RPS6KA5: variants seen among roughly 807,000 people sequenced by gnomAD.
The protein encoded by RPS6KA5 is ribosomal protein S6 kinase alpha-5.
Under a neutral mutation model 85.5 loss-of-function variants are expected in RPS6KA5, and 27 were observed. The observed-to-expected ratio is 0.32, with a 90% CI of 0.23 to 0.44. The LOEUF (loss-of-function observed/expected upper bound fraction) is 0.44, where lower values mean the gene tolerates loss of function less well. RPS6KA5 is among the 20% of genes least tolerant of loss of function. The pLI is 1.00. For synonymous variants in RPS6KA5, 334 were observed against 348.2 expected (o/e 0.96, Z 0.46); for missense variants, 811 against 980.9 (o/e 0.83, Z 2.31).
chr14:90,943,273 T>TA (rs982303183), intron 4 of RPS6KA5, 88 bp from the exon 5 acceptor site: 25 of 747,596 alleles, frequency 3.3e-5, no homozygotes, highest in African/African-American at 5.5e-5. Flanking sequence ...ATTTATTTAT[T>TA]TTTTTTTTTA....
At chr14:91,013,378 AG>A (rs929256708) in intron 1 of RPS6KA5, among the ~76,000 whole-genome samples, 38 of 152,218 alleles carry the variant, frequency 2.5e-4, no homozygotes, top group African/African-American at 8.2e-4. Context: ...AAGAGAAATG[AG>A]GTAAATAGTA....
At chr14:91,018,940 C>T (rs2041619597) in intron 1 of RPS6KA5, among the ~76,000 whole-genome samples, 1 of 151,796 alleles carries the variant, frequency 6.6e-6, no homozygotes, top group Non-Finnish European at 1.5e-5. Flanking sequence ...TAACATGAAA[C>T]ATAAGATGTA....
At chr14:91,040,292 C>A (rs2139884258) in intron 1 of RPS6KA5, among the ~76,000 whole-genome samples, 1 of 152,258 alleles carries the variant, frequency 6.6e-6, no homozygotes, top group Middle Eastern at 3.4e-3. Flanking sequence ...CCTGTAATCC[C>A]AGCTACTTGG....
Position 90,856,712 on chromosome 14 carries a change from T to C in RPS6KA5, c.*15362A>G, listed in dbSNP as rs2032304748. ...GATAAAATTCATTTTAAGTGTACCA[T>C]TCATTGTTTTTTACTACATTTACAA... is the stretch of plus-strand genomic sequence containing the variant. On this transcript the variant is annotated 3_prime_UTR_variant, in exon 17 of 17. Transcript: ENST00000614987. 6.6e-6 allele frequency: 1 copy of C among 152,250 alleles called. No homozygotes were observed. Among genetic ancestry groups the C allele is most frequent in the African/African-American group, 2.4e-5 (1 of 41,424 alleles). The allele number at this position is 152,250 out of a possible 1,614,324, so 9.4% of individuals were successfully genotyped here.
At chr14:91,049,671 AAC>A (rs1158780385) in intron 1 of RPS6KA5, among the ~76,000 whole-genome samples, 1 of 152,152 alleles carries the variant, frequency 6.6e-6, no homozygotes, top group Non-Finnish European at 1.5e-5. Flanking sequence ...ACAAACACAC[AAC>A]ACACACATAT....
intron 14 of RPS6KA5, among the ~76,000 whole-genome samples, chr14:90,882,357 T>C (rs1048432694): frequency 4.6e-5 from 7 of 152,250 alleles, no homozygotes; most frequent in African/African-American, 2.4e-5. Context: ...ATAATTCTTT[T>C]AAATGCATTC....
At chr14:90,957,527 G>C (rs985627062) in intron 3 of RPS6KA5, among the ~76,000 whole-genome samples, 1 of 152,122 alleles carries the variant, frequency 6.6e-6, no homozygotes, top group African/African-American at 2.4e-5. Context: ...TTCTTTCCCT[G>C]ATCTGTTAGG....
chr14:90,976,469 C>T (rs1292892739), intron 3 of RPS6KA5, among the ~76,000 whole-genome samples: 2 of 152,084 alleles, frequency 1.3e-5, no homozygotes, highest in African/African-American at 4.8e-5. Flanking sequence ...TACCCTTAGG[C>T]CCAGATACAA....
At chr14:91,036,525 T>C (rs2042419021) in intron 1 of RPS6KA5, among the ~76,000 whole-genome samples, 1 of 152,228 alleles carries the variant, frequency 6.6e-6, no homozygotes, top group South Asian at 2.1e-4. Context: ...TGTACTTGTA[T>C]GAGCCTGGGT....
rs564841402 is a variant in RPS6KA5 at position 90,867,297 on chromosome 14, A to G, written c.*4777T>C. On this transcript the variant is annotated 3_prime_UTR_variant, in exon 17 of 17. Coordinates refer to ENST00000614987, the MANE Select transcript of RPS6KA5 (RefSeq NM_004755.4). Reference sequence around the variant, plus strand: ...TTAAGAAAATTTAAAACGTAAATGAAAAAACTGCTTAATGTGGCAAGGAAC... The same window carrying G: ...TTAAGAAAATTTAAAACGTAAATGAGAAAACTGCTTAATGTGGCAAGGAAC... 1.3e-5 allele frequency: 2 copies of G among 152,300 alleles called. No individual in the cohort carries two copies. Among genetic ancestry groups the G allele is most frequent in the East Asian group, 3.9e-4 (2 of 5,188 alleles). The allele number at this position is 152,300 out of a possible 1,614,324, so 9.4% of individuals were successfully genotyped here.
chr14:90,952,777 A>T lies in RPS6KA5; in HGVS notation c.395-5227T>A, dbSNP rs1595315156. Among the ~76,000 whole-genome samples, 7 of 152,384 alleles carry T rather than the reference A, an allele frequency of 4.6e-5. 2 individuals are homozygous for T. The stretch of plus-strand genomic sequence containing the variant: ...ATCATTAATGGGAAATGGTCAAAGG[A>T]CACCTTCTGGGTAGGGAAGATAATT... On this transcript the variant is annotated intron_variant, in intron 3 of 16. Transcript: ENST00000614987.
intron 14 of RPS6KA5, among the ~76,000 whole-genome samples, chr14:90,879,611 T>C (rs2033695797): frequency 6.6e-6 from 1 of 152,172 alleles, no homozygotes; most frequent in African/African-American, 2.4e-5. Flanking sequence ...AGTGATCAGC[T>C]GCACTTGGTG....
intron 5 of RPS6KA5, among the ~76,000 whole-genome samples, chr14:90,937,047 A>G (rs538734465): frequency 2.0e-5 from 3 of 152,174 alleles, no homozygotes; most frequent in Non-Finnish European, 4.4e-5. Flanking sequence ...CATAAAAAAA[A>G]GAAGAGTACC....
intron 14 of RPS6KA5, among the ~76,000 whole-genome samples, chr14:90,889,211 T>C (rs2034409337): frequency 6.7e-6 from 1 of 150,022 alleles, no homozygotes; most frequent in African/African-American, 2.5e-5. Flanking sequence ...GGAGAATCGC[T>C]TGAATCCGGG....
rs1312652614 is a variant in RPS6KA5 at position 91,033,471 on chromosome 14, G to A, written c.103+26861C>T. 3.3e-5 allele frequency among the ~76,000 whole-genome samples: 5 copies of A among 151,862 alleles called. No individual in the cohort carries two copies. In the East Asian group the frequency reaches 9.7e-4, roughly 29 times the overall value. ...CAAAAAATTAGCTGGGTGTGGTGGTGCATGCCTGTAATCCCAGCTACTCGG... is the reference window on the plus strand; with the variant it reads ...CAAAAAATTAGCTGGGTGTGGTGGTACATGCCTGTAATCCCAGCTACTCGG... On this transcript the variant is annotated intron_variant, in intron 1 of 16. Coordinates refer to ENST00000614987, the MANE Select transcript of RPS6KA5 (RefSeq NM_004755.4).
At chr14:90,947,594 A>C (rs2037939975) in intron 3 of RPS6KA5, 44 bp from the exon 4 acceptor site, 1 of 1,127,388 alleles carries the variant, frequency 8.9e-7, no homozygotes, top group African/African-American at 1.5e-5. Context: ...TGCATTCATA[A>C]ATGAAAAGCA....
chr14:90,984,601 A>G (rs1010739583), intron 2 of RPS6KA5, among the ~76,000 whole-genome samples: 3 of 152,224 alleles, frequency 2.0e-5, no homozygotes, highest in Non-Finnish European at 2.9e-5. Context: ...GCTTGACGAT[A>G]AGAAATAATA....
chr14:90,991,179 C>T (rs1300799134), intron 2 of RPS6KA5, among the ~76,000 whole-genome samples: 2 of 151,952 alleles, frequency 1.3e-5, no homozygotes, highest in East Asian at 1.9e-4. Context: ...AAAAACTGCA[C>T]GAAAATGTTG....
chr14:90,923,908 A>G (rs1671033642), intron 5 of RPS6KA5, among the ~76,000 whole-genome samples: 1 of 152,152 alleles, frequency 6.6e-6, no homozygotes, highest in Admixed American at 6.6e-5. Flanking sequence ...TAGATAATCA[A>G]TTATGCAATT....
Sources: allele counts gnomAD v4.1 joint callset (sites outside exome capture counted in the v4.1 genomes callset), GRCh38; gene constraint gnomAD v4.1.1; transcripts MANE v1.5; gene names NCBI Gene and HGNC (gene_info 2026-07-23, HGNC 2026-07-21).